The following SLC44A5 variants were observed in gnomAD, a reference collection of about 807,000 sequenced individuals.
SLC44A5 encodes the protein choline transporter-like protein 5.
A neutral mutation model predicts 101.8 loss-of-function variants in SLC44A5; 57 were observed. That is an observed-to-expected ratio of 0.56 (90% CI 0.45 to 0.70). SLC44A5 has a LOEUF of 0.70. Ranked by LOEUF, SLC44A5 falls within the 30% of genes least tolerant of loss-of-function variation. SLC44A5 has a pLI of 0.00. For missense variants in SLC44A5, 737 were observed against 853.1 expected (o/e 0.86, Z 1.70); for synonymous variants, 281 against 290.9 (o/e 0.97, Z 0.35).
chr1:75,644,317 A>G, the SLC44A5 span, among the ~76,000 whole-genome samples: 1 of 151,798 alleles, frequency 6.6e-6, no homozygotes, highest in Non-Finnish European at 1.5e-5. Context: ...TTAAAAATAT[A>G]CATACAAAGG....
intron 6 of SLC44A5, among the ~76,000 whole-genome samples, chr1:75,267,088 C>A (rs544472062): frequency 1.5e-4 from 23 of 152,272 alleles, no homozygotes; most frequent in African/African-American, 5.1e-4. Context: ...GAAATCTGTG[C>A]CTTATTTGCT....
Position 75,228,723 on chromosome 1 carries a change from T to G in SLC44A5, c.854-866A>C, listed in dbSNP as rs117895079. 1.2e-3 allele frequency among the ~76,000 whole-genome samples: 175 copies of G among 151,924 alleles called. 3 individuals are homozygous for G. The East Asian group carries it at 0.026, about 23-fold the overall frequency. The stretch of plus-strand genomic sequence containing the variant: ...TCTACTCTTTTTGAGCAATCTACTC[T>G]ATTTTTATAATAGATTACCTTGAAA... On this transcript the variant is annotated intron_variant, in intron 12 of 23. Coordinates refer to ENST00000370859, the MANE Select transcript of SLC44A5 (RefSeq NM_001130058.2).
At chr1:75,219,390 A>T in intron 15 of SLC44A5, 46 bp from the exon 16 acceptor site, 1 of 1,292,334 alleles carries the variant, frequency 7.7e-7, no homozygotes, top group Non-Finnish European at 1.1e-6. Context: ...GTAGATTGAA[A>T]ATAAATGGAC....
At chr1:75,497,704 A>T (rs1668747979) in intron 2 of SLC44A5, among the ~76,000 whole-genome samples, 1 of 152,164 alleles carries the variant, frequency 6.6e-6, no homozygotes, top group Admixed American at 6.5e-5. Context: ...TTCAGTTTGT[A>T]GTAATCAGTT....
At chr1:75,461,673 C>T (rs1036391373) in intron 2 of SLC44A5, among the ~76,000 whole-genome samples, 16 of 152,156 alleles carry the variant, frequency 1.1e-4, no homozygotes, top group African/African-American at 1.9e-4. Context: ...AAACTGCTCT[C>T]GGCCAGAGGA....
intron 15 of SLC44A5, 98 bp downstream of exon 15, chr1:75,219,702 C>T: frequency 1.3e-6 from 1 of 749,752 alleles, no homozygotes; most frequent in Admixed American, 2.8e-5. Flanking sequence ...TAGTACATTC[C>T]TCATCTTCCC....
At chr1:75,588,533 A>T (rs1463597965) in intron 1 of SLC44A5, among the ~76,000 whole-genome samples, 1 of 152,178 alleles carries the variant, frequency 6.6e-6, no homozygotes, top group African/African-American at 2.4e-5. Context: ...AAGTTCGGAA[A>T]AAAAAAGAAA....
chr1:75,321,774 C>T (rs189416732), intron 4 of SLC44A5, among the ~76,000 whole-genome samples: 137 of 152,214 alleles, frequency 9.0e-4, no homozygotes, highest in Non-Finnish European at 1.2e-3. Context: ...TTAGTATTAG[C>T]GACTTTTTCC....
chr1:75,461,106 T>C (rs2101693167), intron 2 of SLC44A5, among the ~76,000 whole-genome samples: 1 of 152,182 alleles, frequency 6.6e-6, no homozygotes, highest in African/African-American at 2.4e-5. Flanking sequence ...AAACAAAATG[T>C]CATGCACCAT....
In SLC44A5 at chr1:75,213,807, G is replaced by A. The variant is rs1423637686; in HGVS notation, c.1874-14C>T. ...AGGCCAGAACACCTACATTGAAAAGGTAGAACATGTATATTATACTTTTGC... is the reference window on the plus strand; with the variant it reads ...AGGCCAGAACACCTACATTGAAAAGATAGAACATGTATATTATACTTTTGC... On this transcript the variant is annotated splice_polypyrimidine_tract_variant and intron_variant, in intron 21 of 23. Coordinates refer to ENST00000370859, the MANE Select transcript of SLC44A5 (RefSeq NM_001130058.2). 2 of 1,591,030 alleles carry A rather than the reference G, an allele frequency of 1.3e-6. No homozygotes were observed. Among genetic ancestry groups the A allele is most frequent in the East Asian group, 2.2e-5 (1 of 44,682 alleles).
At chr1:75,610,122 T>C (rs1332729472) in intron 1 of SLC44A5, among the ~76,000 whole-genome samples, 1 of 140,954 alleles carries the variant, frequency 7.1e-6, no homozygotes, top group Admixed American at 7.5e-5. Flanking sequence ...AAGACTTCTA[T>C]GCAAGTCAAG....
At chr1:75,577,615 C>T (rs958353527) in intron 1 of SLC44A5, among the ~76,000 whole-genome samples, 14 of 152,132 alleles carry the variant, frequency 9.2e-5, no homozygotes, top group Non-Finnish European at 1.9e-4. Context: ...CCCCTTCTTC[C>T]GTTTATGCCT....
chr1:75,634,815 G>C, the SLC44A5 span, among the ~76,000 whole-genome samples: 3 of 151,896 alleles, frequency 2.0e-5, no homozygotes, highest in Non-Finnish European at 4.4e-5. Flanking sequence ...TGATAAATGG[G>C]ATCTAATTAA....
intron 3 of SLC44A5, among the ~76,000 whole-genome samples, chr1:75,372,128 C>T (rs1570021804): frequency 7.1e-6 from 1 of 140,696 alleles, no homozygotes; most frequent in African/African-American, 2.7e-5. Context: ...ACCTGGGAGG[C>T]AGAAGCTGCA....
intron 1 of SLC44A5, among the ~76,000 whole-genome samples, chr1:75,597,755 T>G (rs211685): frequency 1.3e-5 from 2 of 152,072 alleles, no homozygotes; most frequent in East Asian, 3.9e-4. Flanking sequence ...AGATTGAAAC[T>G]GGACCTCTTT....
At chr1:75,223,907 T>A (rs1318084424) in intron 13 of SLC44A5, among the ~76,000 whole-genome samples, 1 of 152,236 alleles carries the variant, frequency 6.6e-6, no homozygotes, top group South Asian at 2.1e-4. Flanking sequence ...AAAATTGTTA[T>A]CTTCTTTGAA....
chr1:75,519,363 C>A (rs972838303), intron 2 of SLC44A5, among the ~76,000 whole-genome samples: 2 of 152,054 alleles, frequency 1.3e-5, no homozygotes, highest in African/African-American at 4.8e-5. Context: ...TTCGAGACCA[C>A]CCTGGCCAAC....
chr1:75,285,495 C>A (rs989457974), intron 5 of SLC44A5, among the ~76,000 whole-genome samples: 3 of 151,690 alleles, frequency 2.0e-5, no homozygotes, highest in African/African-American at 7.3e-5. Context: ...GATGTTATTT[C>A]TTTTCTTCTA....
intron 2 of SLC44A5, among the ~76,000 whole-genome samples, chr1:75,459,671 C>T (rs74977145): frequency 0.23 from 35,632 of 152,062 alleles, 4,303 homozygotes; most frequent in African/African-American, 0.27. Context: ...AATATCTTTC[C>T]TTTGAAACCC....
Sources: gnomAD v4.1 joint callset for allele counts (sites outside exome capture counted in the v4.1 genomes callset) on GRCh38, gnomAD v4.1.1 for gene constraint, MANE v1.5 for transcripts, NCBI Gene and HGNC (gene_info 2026-07-23, HGNC 2026-07-21) for gene names.